COL6A3: variants seen among roughly 807,000 people sequenced by gnomAD.
The protein encoded by COL6A3 is collagen alpha-3(VI) chain.
In COL6A3, 137 loss-of-function variants were observed where a neutral mutation model predicts 274.1. The observed-to-expected ratio is 0.50, with a 90% CI of 0.44 to 0.58. The LOEUF is 0.58. Among genes scored for constraint, COL6A3 ranks in the 20% least tolerant of loss-of-function variants. The pLI is 0.00. For synonymous variants in COL6A3, 1,650 were observed against 1,650.6 expected (o/e 1.00, Z 0.01); for missense variants, 3,950 against 4,124.9 (o/e 0.96, Z 1.16).
In COL6A3 at chr2:237,376,830, A is replaced by G. The variant is rs745661734; in HGVS notation, c.3012T>C (p.Asp1004=). The G allele has an allele frequency of 1.2e-5, 19 of 1,614,092 alleles. No homozygotes were observed. In the Admixed American group the frequency reaches 3.0e-4, roughly 25 times the overall value. The change falls in exon 7 of 44, where the codon GAT becomes GAC. Residue 1004 remains aspartate, a synonymous_variant. Transcript: ENST00000295550. ...AGAGATTCACTATCTGTGGATGAAG[A>G]TCTCCAATCTTGGGAAGCGACTCTG... ...LAAESLPKIG[D]LHPQIVNLLK...
In COL6A3 at chr2:237,374,407, CGTACCTGGGCTCG is replaced by C; in HGVS notation, c.3671_3679+4del. The C allele has an allele frequency of 6.2e-7, 1 of 1,611,610 alleles. No homozygotes were observed. The highest frequency in any genetic ancestry group is 8.5e-7 in the Non-Finnish European group (1 of 1,179,934). The stretch of plus-strand genomic sequence containing the variant: ...GAGTGAGGATGCAAAGAGTTCCCTG[CGTACCTGGGCTCG>C]GTAGAGGCTGCAACACCGGCTGCAG... On this transcript the variant is annotated splice_donor_variant and splice_donor_region_variant and coding_sequence_variant and intron_variant, in exon 8 of 44. Transcript: ENST00000295550. LOFTEE classifies it high-confidence loss of function. The surrounding 1 kb of genome is among the most constrained non-coding windows in gnomAD (Gnocchi z 4.8).
At chr2:237,334,515 T>C in intron 41 of COL6A3, 111 bp downstream of exon 41, 1 of 1,256,574 alleles carries the variant, frequency 8.0e-7, no homozygotes, top group Non-Finnish European at 1.1e-6. Context: ...TTGTTGTTTT[T>C]TGAATTTGTG....
At chr2:237,337,819 C>T (rs1007090528) in intron 39 of COL6A3, among the ~76,000 whole-genome samples, 1 of 152,208 alleles carries the variant, frequency 6.6e-6, no homozygotes, top group African/African-American at 2.4e-5. Flanking sequence ...GGGCATGAAA[C>T]ACGGCACATG....
At position 237,359,212 on chromosome 2, in the gene COL6A3, A is replaced by G; in HGVS notation, c.6348T>C (p.Gly2116=). The change falls in exon 19 of 44, where the codon GGT becomes GGC. Residue 2116 remains glycine, a synonymous_variant. Coordinates refer to ENST00000295550, the MANE Select transcript of COL6A3 (RefSeq NM_004369.4). ...VGEIGLDGLD[G]EDGDKGLPGS... ...TTAGAGTAAAATCACTTACATCTTC[A>G]CCATCCAGACCATCCAGTCCAATTT... is the stretch of plus-strand genomic sequence containing the variant. The G allele has an allele frequency of 1.2e-6, 2 of 1,614,222 alleles. No homozygotes were observed. The highest frequency in any genetic ancestry group is 4.5e-5 in the East Asian group (2 of 44,884).
At chr2:237,396,138 A>G (rs1282226544) in intron 2 of COL6A3, among the ~76,000 whole-genome samples, 6 of 152,220 alleles carry the variant, frequency 3.9e-5, no homozygotes. Context: ...GACCCACCTG[A>G]GTCCTTTCCA....
chr2:237,334,558 C>T (rs938805242), intron 41 of COL6A3, 68 bp downstream of exon 41: 38 of 1,526,298 alleles, frequency 2.5e-5, no homozygotes, highest in Non-Finnish European at 3.3e-5. Context: ...AAGTAAGTGT[C>T]TCCTTTGTGT....
At position 237,361,621 on chromosome 2, in the gene COL6A3, T is replaced by A; in HGVS notation, c.6156+118A>T. 1.0e-6 allele frequency: 1 copy of A among 963,062 alleles called. No homozygotes were observed. Among genetic ancestry groups the A allele is most frequent in the Non-Finnish European group, 1.7e-6 (1 of 589,946 alleles). 59.7% of individuals were successfully genotyped at this position (963,062 alleles called of 1,614,324 possible). A position where few individuals can be genotyped will look rare whatever the true frequency, so the allele number is the denominator to read the frequency against. On this transcript the variant is annotated intron_variant, in intron 15 of 43. Transcript: ENST00000295550. The surrounding 1 kb of genome is among the most constrained non-coding windows in gnomAD (Gnocchi z 5.1). Reference sequence around the variant, plus strand: ...GAGCTCCTCCTTCTAACATAAGAAATGGTCTCTCGTCTCCTCCTTCATCTC... The same window carrying A: ...GAGCTCCTCCTTCTAACATAAGAAAAGGTCTCTCGTCTCCTCCTTCATCTC...
chr2:237,376,737 T>A (rs2077850384), intron 7 of COL6A3, 35 bp downstream of exon 7: 2 of 1,606,048 alleles, frequency 1.2e-6, no homozygotes, highest in Non-Finnish European at 1.7e-6. Context: ...ATTAGAGAAC[T>A]GAGTGGCAGA....
intron 42 of COL6A3, chr2:237,333,082 GTTTT>G: frequency 3.1e-6 from 1 of 326,590 alleles, no homozygotes; most frequent in Non-Finnish European, 5.9e-6. Context: ...CTTCTAAGCA[GTTTT>G]TTTATTAGAT....
At chr2:237,353,045 C>A (rs1325419764) in intron 25 of COL6A3, among the ~76,000 whole-genome samples, 1 of 152,134 alleles carries the variant, frequency 6.6e-6, no homozygotes, top group African/African-American at 2.4e-5. Context: ...GTAAATGATT[C>A]CATTTATACA....
chr2:237,324,865 GA>G (rs1699853967), intron 43 of COL6A3, 51 bp from the exon 44 acceptor site: 2 of 1,595,400 alleles, frequency 1.3e-6, no homozygotes, highest in African/African-American at 1.3e-5. Flanking sequence ...GCCGAGAGAA[GA>G]GAGGAAAAGC....
chr2:237,335,656 A>C (rs1410446037), intron 40 of COL6A3, among the ~76,000 whole-genome samples: 1 of 152,164 alleles, frequency 6.6e-6, no homozygotes, highest in East Asian at 1.9e-4. Flanking sequence ...AGGCAGAGAC[A>C]AAGTTTGCAG....
chr2:237,398,362 G>A (rs760534657), intron 1 of COL6A3, among the ~76,000 whole-genome samples: 22 of 152,182 alleles, frequency 1.4e-4, no homozygotes, highest in Non-Finnish European at 2.9e-4. Context: ...GCTCAGTAGC[G>A]TGCGCCATCA....
chr2:237,345,142 C>A, intron 33 of COL6A3, 39 bp downstream of exon 33: 1 of 1,614,110 alleles, frequency 6.2e-7, no homozygotes, highest in Non-Finnish European at 8.5e-7. Context: ...ATCAAAGGCT[C>A]ATGAGGTTAA....
intron 1 of COL6A3, among the ~76,000 whole-genome samples, chr2:237,397,683 A>G (rs1027945066): frequency 6.6e-6 from 1 of 152,236 alleles, no homozygotes; most frequent in African/African-American, 2.4e-5. Flanking sequence ...AGTTCAAAGA[A>G]CACAATTACA....
In COL6A3 at chr2:237,363,347, C is replaced by G. The variant is rs780489910; in HGVS notation, c.5969G>C (p.Arg1990Pro). ...VGLERVVNLE[R>P]LMHLEFGRGF... The stretch of plus-strand genomic sequence containing the variant: ...TCGCCCAAACTCCAGATGCATTAGC[C>G]GCTCCAAGTTGACCACTCGTTCAAG... Residue 1990 changes from arginine (R) to proline (P), a missense_variant, in exon 14 of 44, where the codon CGG (arginine) becomes CCG (proline). Around this residue, in one of 5 missense-constraint regions of COL6A3, gnomAD observed 632 missense variants for 623.4 expected, o/e 1.01. Coordinates refer to ENST00000295550, the MANE Select transcript of COL6A3 (RefSeq NM_004369.4). 1.2e-6 allele frequency: 2 copies of G among 1,614,000 alleles called. No homozygotes were observed. The highest frequency in any genetic ancestry group is 1.7e-6 in the Non-Finnish European group (2 of 1,180,038).
intron 24 of COL6A3, among the ~76,000 whole-genome samples, chr2:237,354,686 G>C: frequency 6.6e-6 from 1 of 152,126 alleles, no homozygotes; most frequent in East Asian, 1.9e-4. Flanking sequence ...GTAAAACCAA[G>C]CTGTGCCCCG....
intron 4 of COL6A3, among the ~76,000 whole-genome samples, chr2:237,386,211 T>C (rs1302698850): frequency 6.6e-6 from 1 of 152,224 alleles, no homozygotes; most frequent in African/African-American, 2.4e-5. Context: ...TGCCTTTACA[T>C]GAATGCAGCA....
Position 237,361,403 on chromosome 2 carries a change from T to C in COL6A3, c.6157-229A>G, listed in dbSNP as rs1442499236. Among the ~76,000 whole-genome samples the C allele has an allele frequency of 2.0e-5, 3 of 152,156 alleles. No individual in the cohort carries two copies. The highest frequency in any genetic ancestry group is 4.8e-5 in the African/African-American group (2 of 41,424). On this transcript the variant is annotated intron_variant, in intron 15 of 43. Coordinates refer to ENST00000295550, the MANE Select transcript of COL6A3 (RefSeq NM_004369.4). The surrounding 1 kb of genome is among the most constrained non-coding windows in gnomAD (Gnocchi z 5.1). Reference sequence around the variant, plus strand: ...TTAGTTCCTACTGACTCAGAGCAAATGCTATGAGTTCCAGCTGCCATTCGC... The same window carrying C: ...TTAGTTCCTACTGACTCAGAGCAAACGCTATGAGTTCCAGCTGCCATTCGC...
Sources: gnomAD v4.1 joint callset for allele counts (sites outside exome capture counted in the v4.1 genomes callset) on GRCh38, gnomAD v4.1.1 for gene constraint, gnomAD v4.1.1 regional missense constraint, Gnocchi (gnomAD v3.1) non-coding constraint, MANE v1.5 for transcripts, NCBI Gene and HGNC (gene_info 2026-07-23, HGNC 2026-07-21) for gene names.